Variants in PARD3B observed in about 807,000 individuals in gnomAD.
PARD3B encodes partitioning defective 3 homolog B.
A neutral mutation model predicts 130.2 loss-of-function variants in PARD3B; 103 were observed. The observed-to-expected ratio is 0.79, with a 90% CI of 0.67 to 0.93. The LOEUF (loss-of-function observed/expected upper bound fraction) is 0.93. Ranked by LOEUF, PARD3B falls within the 40% of genes least tolerant of loss-of-function variation. The pLI, the probability that PARD3B is intolerant of heterozygous loss-of-function variation, is 0.00. For missense variants in PARD3B, 1,609 were observed against 1,499.2 expected (o/e 1.07, Z -1.21); for synonymous variants, 583 against 553.2 (o/e 1.05, Z -0.76).
intron 12 of PARD3B, among the ~76,000 whole-genome samples, chr2:205,173,287 TAATC>T (rs1294553304): frequency 5.3e-5 from 8 of 152,344 alleles, no homozygotes; most frequent in Non-Finnish European, 1.0e-4. Flanking sequence ...TTTATCAAGT[TAATC>T]AAGAGTTAAT....
chr2:204,667,384 T>C (rs1466754760), intron 1 of PARD3B, among the ~76,000 whole-genome samples: 6 of 152,112 alleles, frequency 3.9e-5, no homozygotes. Context: ...TCCTCAGATA[T>C]CATGTGTTTT....
At chr2:204,923,197 A>G (rs932382600) in intron 2 of PARD3B, among the ~76,000 whole-genome samples, 13 of 152,152 alleles carry the variant, frequency 8.5e-5, no homozygotes, top group African/African-American at 3.1e-4. Context: ...ATGATTATCC[A>G]GTAGCCAGTT....
chr2:204,686,246 T>G lies in PARD3B; in HGVS notation c.186T>G (p.Asp62Glu). ...CAGATGGAGGAATCCTGGATCCAGA[T>G]GATGTCTTGGCAGATGTTGTTGAAG... is the stretch of plus-strand genomic sequence containing the variant. ...EYTDGGILDP[D>E]DVLADVVEDK... Residue 62 changes from aspartate to glutamate, a missense_variant, in exon 2 of 23, where the codon GAT becomes GAG. Physicochemically the swap from Asp to Glu is conservative, Grantham distance 45 (BLOSUM62 2). Transcript: ENST00000406610. 1.2e-6 allele frequency: 2 copies of G among 1,612,694 alleles called. No individual in the cohort carries two copies. The highest frequency in any genetic ancestry group is 1.7e-6 in the Non-Finnish European group (2 of 1,178,872).
In PARD3B at chr2:205,183,950, T is replaced by A. The variant is rs1446471650; in HGVS notation, c.1925-1814T>A. On this transcript the variant is annotated intron_variant, in intron 13 of 22. Transcript: ENST00000406610. The surrounding 1 kb of genome is among the most constrained non-coding windows in gnomAD (Gnocchi z 5.2). The stretch of plus-strand genomic sequence containing the variant: ...GTTTCAGTCTGAAGACAAACGGGCT[T>A]GAGACTCAGGAAGAACTGATGTTTC... Among the ~76,000 whole-genome samples, 7 of 152,000 alleles carry A rather than the reference T, an allele frequency of 4.6e-5. No individual in the cohort carries two copies. The highest frequency in any genetic ancestry group is 7.2e-5 in the African/African-American group (3 of 41,390).
At chr2:205,504,289 C>T (rs1441475617) in intron 21 of PARD3B, among the ~76,000 whole-genome samples, 2 of 151,974 alleles carry the variant, frequency 1.3e-5, no homozygotes, top group African/African-American at 2.4e-5. Flanking sequence ...CCATAAAAAC[C>T]CTAGAAGAAA....
At position 205,615,950 on chromosome 2, in the gene PARD3B, G is replaced by C; in HGVS notation, c.*137G>C. Reference sequence around the variant, plus strand: ...AGCTTTTTCTCACTGACATTGTAACGCATGACTGCTAATCAGAGAGAAAAA... The same window carrying C: ...AGCTTTTTCTCACTGACATTGTAACCCATGACTGCTAATCAGAGAGAAAAA... On this transcript the variant is annotated 3_prime_UTR_variant, in exon 23 of 23. Coordinates refer to ENST00000406610, the MANE Select transcript of PARD3B (RefSeq NM_001302769.2). 3 of 754,458 alleles carry C rather than the reference G, an allele frequency of 4.0e-6. No individual in the cohort carries two copies. In the East Asian group the frequency reaches 7.8e-5, roughly 20 times the overall value. The allele number at this position is 754,458 out of a possible 1,614,324, so 46.7% of individuals were successfully genotyped here. A position where few individuals can be genotyped will look rare whatever the true frequency, so the allele number is the denominator to read the frequency against.
intron 3 of PARD3B, among the ~76,000 whole-genome samples, chr2:205,013,174 G>T (rs567093848): frequency 6.6e-6 from 1 of 152,128 alleles, no homozygotes; most frequent in South Asian, 2.1e-4. Flanking sequence ...ACAGTTTCCC[G>T]TCTGAGACTT....
intron 1 of PARD3B, among the ~76,000 whole-genome samples, chr2:204,569,422 G>C (rs1182165004): frequency 2.0e-5 from 3 of 152,124 alleles, no homozygotes; most frequent in Non-Finnish European, 1.5e-5. Flanking sequence ...TCCACATATA[G>C]GTTGAAATTA....
chr2:204,697,030 A>G (rs2037642913), intron 2 of PARD3B, among the ~76,000 whole-genome samples: 1 of 152,132 alleles, frequency 6.6e-6, no homozygotes, highest in Non-Finnish European at 1.5e-5. Flanking sequence ...AGACTACAAA[A>G]TAATATGATT....
In PARD3B at chr2:205,384,573, A is replaced by C. The variant is rs117832669; in HGVS notation, c.2631-16440A>C. Among the ~76,000 whole-genome samples the C allele has an allele frequency of 4.0e-3, 615 of 152,084 alleles. 6 individuals carry two copies. Among genetic ancestry groups the C allele is most frequent in the East Asian group, 0.026 (137 of 5,172 alleles). ...ATATACTCCTACTCAGAAACTGCCA[A>C]CCTCCTAGCTCTATTTTCCTTCCTA... On this transcript the variant is annotated intron_variant, in intron 18 of 22. Transcript: ENST00000406610.
chr2:205,118,838 T>C (rs996918992), intron 6 of PARD3B, 83 bp from the exon 7 acceptor site: 1 of 972,508 alleles, frequency 1.0e-6, no homozygotes, highest in Admixed American at 3.0e-5. Context: ...GAAATCAATA[T>C]GTATTTCTGA....
intron 2 of PARD3B, among the ~76,000 whole-genome samples, chr2:204,726,700 C>T (rs2039244429): frequency 6.6e-6 from 1 of 152,172 alleles, no homozygotes; most frequent in Non-Finnish European, 1.5e-5. Context: ...GGGATTGCTT[C>T]TCCTACCCAA....
intron 4 of PARD3B, among the ~76,000 whole-genome samples, chr2:205,096,769 G>C (rs961983689): frequency 2.6e-5 from 4 of 152,152 alleles, no homozygotes; most frequent in African/African-American, 9.7e-5. Context: ...GGATTAGCAA[G>C]GGACTAGTTA....
chr2:205,067,928 T>C (rs1352625440), intron 4 of PARD3B, among the ~76,000 whole-genome samples: 2 of 152,218 alleles, frequency 1.3e-5, no homozygotes, highest in Admixed American at 6.5e-5. Context: ...ATTTCACTTG[T>C]GACATTATCA....
At chr2:205,468,751 C>T (rs535354971) in intron 20 of PARD3B, among the ~76,000 whole-genome samples, 1 of 152,258 alleles carries the variant, frequency 6.6e-6, no homozygotes, top group East Asian at 1.9e-4. Flanking sequence ...TTATTTGATC[C>T]ATTGTGCTTT....
chr2:204,839,195 G>T (rs2044172310), intron 2 of PARD3B, among the ~76,000 whole-genome samples: 1 of 152,136 alleles, frequency 6.6e-6, no homozygotes, highest in Non-Finnish European at 1.5e-5. Context: ...CAGAGAAACG[G>T]TGCTTCCTTA....
At chr2:204,773,598 T>C (rs1478786274) in intron 2 of PARD3B, among the ~76,000 whole-genome samples, 1 of 152,128 alleles carries the variant, frequency 6.6e-6, no homozygotes, top group Non-Finnish European at 1.5e-5. Flanking sequence ...TTATTTATCC[T>C]AAATCCTATC....
At chr2:205,394,296 A>C (rs1334170696) in intron 18 of PARD3B, among the ~76,000 whole-genome samples, 1 of 152,124 alleles carries the variant, frequency 6.6e-6, no homozygotes, top group East Asian at 1.9e-4. Flanking sequence ...TGATTTCTTA[A>C]ATTCTACTAA....
At chr2:204,951,934 T>G (rs1689810210) in intron 2 of PARD3B, among the ~76,000 whole-genome samples, 1 of 152,212 alleles carries the variant, frequency 6.6e-6, no homozygotes, top group Non-Finnish European at 1.5e-5. Context: ...TTTTTAATCC[T>G]TGGTAATTTG....
Sources: gnomAD v4.1 joint callset for allele counts (sites outside exome capture counted in the v4.1 genomes callset) on GRCh38, gnomAD v4.1.1 for gene constraint, Gnocchi (gnomAD v3.1) non-coding constraint, MANE v1.5 for transcripts, NCBI Gene and HGNC (gene_info 2026-07-23, HGNC 2026-07-21) for gene names.